ITGAM: variants seen among roughly 807,000 people sequenced by gnomAD.
ITGAM encodes the protein integrin subunit alpha M, also known as integrin alpha-M.
A neutral mutation model predicts 137.5 loss-of-function variants in ITGAM; 79 were observed. The observed-to-expected ratio is 0.57, with a 90% CI of 0.48 to 0.69. The LOEUF (loss-of-function observed/expected upper bound fraction) is 0.69, where lower values mean the gene tolerates loss of function less well. ITGAM is among the 30% of genes least tolerant of loss of function. The pLI is 0.00. For missense variants in ITGAM, 1,343 were observed against 1,483.5 expected, an observed-to-expected ratio of 0.91 and a Z score of 1.56; for synonymous variants, 583 against 592.3, an observed-to-expected ratio of 0.98 and a Z score of 0.23.
At chr16:31,264,407 AC>A in intron 2 of ITGAM, among the ~76,000 whole-genome samples, 1 of 152,186 alleles carries the variant, frequency 6.6e-6, no homozygotes, top group Middle Eastern at 3.4e-3. Context: ...CCGAGATTGC[AC>A]CACTATACTC....
In ITGAM at chr16:31,324,575, C is replaced by T. The variant is rs1045799417; in HGVS notation, c.2157+22C>T. 4 of 1,609,960 alleles carry T rather than the reference C, an allele frequency of 2.5e-6. No homozygotes were observed. The highest frequency in any genetic ancestry group is 2.2e-5 in the South Asian group (2 of 90,242). On this transcript the variant is annotated intron_variant, in intron 17 of 29. Coordinates refer to ENST00000544665, the MANE Select transcript of ITGAM (RefSeq NM_000632.4). This position sits in a 1 kb window ranked among gnomAD's most constrained non-coding sequence, Gnocchi z 4.5. ...GCCGGTGAGCAGGCTAGTGGCCAGA[C>T]CCCTGGGTCTTCCAAGCATGGAGTG...
At chr16:31,271,734 A>G (rs779341563) in intron 6 of ITGAM, 113 bp from the exon 7 acceptor site, 5 of 1,304,690 alleles carry the variant, frequency 3.8e-6, no homozygotes, top group Non-Finnish European at 5.3e-6. Context: ...TAGGGGCAGC[A>G]CAGAGGAGGA....
chr16:31,329,089 ACCCC>A (rs2144505656), intron 23 of ITGAM, 135 bp from the exon 24 acceptor site: 13 of 89,922 alleles, frequency 1.4e-4, no homozygotes, highest in East Asian at 9.4e-4. Context: ...ATCCCCCTGC[ACCCC>A]ACCCCATCTC....
rs1207224437 is a variant in ITGAM at position 31,308,711 on chromosome 16, T to C, written c.1707+10757T>C. Among the ~76,000 whole-genome samples the C allele has an allele frequency of 7.2e-4, 109 of 151,588 alleles. 1 individual carries two copies. The highest frequency in any genetic ancestry group is 2.1e-3 in the African/African-American group (87 of 41,018). On this transcript the variant is annotated intron_variant, in intron 14 of 29. Coordinates refer to ENST00000544665, the MANE Select transcript of ITGAM (RefSeq NM_000632.4). ...TCTGCTAGCTTTTGAATGTGTTTGC[T>C]CTTGCTTCTCTAGTTCTTTTAATTG...
intron 5 of ITGAM, among the ~76,000 whole-genome samples, chr16:31,270,699 GTATATATATATATATATATA>G (rs869206231): frequency 0.014 from 367 of 26,018 alleles, 28 homozygotes; most frequent in African/African-American, 0.028. Flanking sequence ...GTGTGTGTGT[GTATATATATATATATATATA>G]TATATATATA....
In ITGAM at chr16:31,328,182, T is replaced by C. The variant is rs758419147; in HGVS notation, c.2744T>C (p.Phe915Ser). ...ATGCCCAGAACCAACAAAACCGAAT[T>C]CCAACTGGAGCTGCCGGTGAAATAT... The part of the protein sequence containing the change: ...NNMPRTNKTE[F>S]QLELPVKYAV... Residue 915 changes from phenylalanine to serine, a missense_variant, in exon 23 of 30, where the codon TTC becomes TCC. Physicochemically the swap from Phe to Ser is radical, Grantham distance 155. Coordinates refer to ENST00000544665, the MANE Select transcript of ITGAM (RefSeq NM_000632.4). 1.9e-6 allele frequency: 3 copies of C among 1,613,940 alleles called. No homozygotes were observed. The highest frequency in any genetic ancestry group is 2.5e-6 in the Non-Finnish European group (3 of 1,179,842).
intron 5 of ITGAM, among the ~76,000 whole-genome samples, chr16:31,270,730 TATATATATATA>T (rs1410066681): frequency 2.7e-5 from 3 of 112,138 alleles, no homozygotes; most frequent in African/African-American, 3.8e-5. Context: ...TATATATATA[TATATATATATA>T]TATGTTTTTA....
chr16:31,324,453 A>G lies in ITGAM; in HGVS notation c.2057A>G (p.His686Arg), dbSNP rs771066851. 1.3e-6 allele frequency: 2 copies of G among 1,560,668 alleles called. No homozygotes were observed. The highest frequency in any genetic ancestry group is 4.8e-5 in the East Asian group (2 of 41,508). Residue 686 changes from histidine to arginine, a missense_variant, in exon 17 of 30, where the codon CAT becomes CGT. By Grantham distance (29) the His-to-Arg change is conservative. Coordinates refer to ENST00000544665, the MANE Select transcript of ITGAM (RefSeq NM_000632.4). The surrounding 1 kb of genome is among the most constrained non-coding windows in gnomAD (Gnocchi z 4.5). ...CTGGCTCTGGACTCCGGCCGCCCAC[A>G]TTCCCGCGCCGTCTTCAATGAGACA... ...YDLALDSGRP[H>R]SRAVFNETKN...
At chr16:31,331,590 C>G (rs745871837) in intron 29 of ITGAM, 46 bp from the exon 30 acceptor site, 21 of 1,493,176 alleles carry the variant, frequency 1.4e-5, no homozygotes, top group Admixed American at 1.9e-5. Flanking sequence ...CGGAGCCGCA[C>G]GCTCCCTGGC....
At chr16:31,275,764 C>T in intron 9 of ITGAM, 65 bp downstream of exon 9, 1 of 1,551,574 alleles carries the variant, frequency 6.4e-7, no homozygotes, top group Non-Finnish European at 8.8e-7. Flanking sequence ...GAACATAGTC[C>T]CCTCTAGAAT....
chr16:31,325,141 G>C (rs375309817), intron 19 of ITGAM, 110 bp downstream of exon 19: 4 of 1,461,332 alleles, frequency 2.7e-6, no homozygotes, highest in Non-Finnish European at 3.7e-6. Flanking sequence ...TATAAGGTCC[G>C]GTGTGGCTGC....
intron 14 of ITGAM, among the ~76,000 whole-genome samples, chr16:31,299,959 A>G (rs1269272018): frequency 6.6e-6 from 1 of 151,896 alleles, no homozygotes; most frequent in African/African-American, 2.4e-5. Context: ...CCTGGGCTCA[A>G]GCGACCCTCC....
Position 31,272,423 on chromosome 16 carries a change from CTATATATATATATATATATATATATATA to C in ITGAM, c.704+445_704+472del, listed in dbSNP as rs1307190696. Among the ~76,000 whole-genome samples, 28 of 31,536 alleles carry C rather than the reference CTATATATATATATATATATATATATATA, an allele frequency of 8.9e-4. 1 individual carries two copies. In the South Asian group the frequency reaches 0.038, roughly 43 times the overall value. The allele number at this position is 31,536 out of a possible 152,430, so 20.7% of individuals were successfully genotyped here. A position where few individuals can be genotyped will look rare whatever the true frequency, so the allele number is the denominator to read the frequency against. On this transcript the variant is annotated intron_variant, in intron 7 of 29. Coordinates refer to ENST00000544665, the MANE Select transcript of ITGAM (RefSeq NM_000632.4). ...GAGAGGTTTCCTGAAGGCCAATTAACTATATATATATATATATATATATATATATATATATATATATTTTTTTTTTTTT... is the reference window on the plus strand; with the variant it reads ...GAGAGGTTTCCTGAAGGCCAATTAACTATATATATATATTTTTTTTTTTTT...
intron 14 of ITGAM, among the ~76,000 whole-genome samples, chr16:31,311,539 C>A (rs2080331602): frequency 6.6e-6 from 1 of 152,152 alleles, no homozygotes; most frequent in Admixed American, 6.6e-5. Context: ...AAAAAATGCT[C>A]ATCATTACTG....
At chr16:31,331,359 G>A (rs753241277) in intron 29 of ITGAM, 84 bp downstream of exon 29, 4 of 840,234 alleles carry the variant, frequency 4.8e-6, no homozygotes, top group Non-Finnish European at 5.9e-6. Context: ...CCCCGGCGGG[G>A]CTGCCAGCTG....
At chr16:31,270,451 C>G (rs2079820211) in intron 5 of ITGAM, among the ~76,000 whole-genome samples, 1 of 151,558 alleles carries the variant, frequency 6.6e-6, no homozygotes, top group African/African-American at 2.4e-5. Context: ...TCACCACATT[C>G]CCTGATTCCC....
At chr16:31,263,051 C>G (rs1479097601) in intron 2 of ITGAM, among the ~76,000 whole-genome samples, 1 of 152,160 alleles carries the variant, frequency 6.6e-6, no homozygotes, top group Non-Finnish European at 1.5e-5. Context: ...AATCGATTCT[C>G]CTGCCTCAGC....
At position 31,321,522 on chromosome 16, in the gene ITGAM, A is replaced by G. The variant is rs2080450622; in HGVS notation, c.1897A>G (p.Arg633Gly). The G allele has an allele frequency of 1.2e-6, 2 of 1,614,014 alleles. No individual in the cohort carries two copies. The highest frequency in any genetic ancestry group is 3.3e-5 in the Admixed American group (2 of 60,022). Residue 633 changes from arginine to glycine, a missense_variant, in exon 16 of 30, where the codon AGG becomes GGG. Physicochemically the swap from Arg to Gly is moderately radical, Grantham distance 125. Transcript: ENST00000544665. ...IMEFNPREVA[R>G]NVFECNDQVV... Reference sequence around the variant, plus strand: ...GGAGTTCAATCCCAGGGAAGTGGCAAGGAATGTATTTGAGTGTAATGATCA... The same window carrying G: ...GGAGTTCAATCCCAGGGAAGTGGCAGGGAATGTATTTGAGTGTAATGATCA...
intron 12 of ITGAM, among the ~76,000 whole-genome samples, chr16:31,280,990 C>G (rs1333017763): frequency 2.6e-5 from 4 of 152,040 alleles, no homozygotes; most frequent in African/African-American, 9.7e-5. Context: ...TGGTTTTTGT[C>G]TTTGGTTCTG....
Sources: gnomAD v4.1 joint callset for allele counts (sites outside exome capture counted in the v4.1 genomes callset) on GRCh38, gnomAD v4.1.1 for gene constraint, Gnocchi (gnomAD v3.1) non-coding constraint, MANE v1.5 for transcripts, NCBI Gene and HGNC (gene_info 2026-07-23, HGNC 2026-07-21) for gene names.